The following FZD6 variants were observed in gnomAD, a reference collection of about 807,000 sequenced individuals.
FZD6 encodes the protein frizzled-6.
Under a neutral mutation model 61.4 loss-of-function variants are expected in FZD6, and 49 were observed. The ratio of observed to expected loss-of-function variants is 0.80; its 90% CI spans 0.63 to 1.01. The LOEUF (loss-of-function observed/expected upper bound fraction) is 1.01. FZD6 is among the 50% of genes least tolerant of loss of function. The pLI is 0.00. For missense variants in FZD6, 724 were observed against 848.2 expected (o/e 0.85, Z 1.82); for synonymous variants, 265 against 292.2 (o/e 0.91, Z 0.95).
chr8:103,304,704 CA>C (rs1814280800), intron 2 of FZD6, among the ~76,000 whole-genome samples: 1 of 152,158 alleles, frequency 6.6e-6, no homozygotes, highest in African/African-American at 2.4e-5. Context: ...ATATTTGGCC[CA>C]GGGGCTACAG....
chr8:103,303,411 C>A (rs181828747), intron 2 of FZD6, among the ~76,000 whole-genome samples: 158 of 152,272 alleles, frequency 1.0e-3, no homozygotes, highest in African/African-American at 3.7e-3. Flanking sequence ...ATTTAATCAC[C>A]CCACTCTACA....
intron 3 of FZD6, 98 bp from the exon 4 acceptor site, chr8:103,324,383 A>G: frequency 1.5e-6 from 1 of 682,848 alleles, no homozygotes; most frequent in Non-Finnish European, 2.5e-6. Context: ...TCAATCATGA[A>G]TACATAAGGT....
intron 6 of FZD6, among the ~76,000 whole-genome samples, chr8:103,330,520 C>T (rs1236117609): frequency 5.3e-5 from 8 of 152,144 alleles, no homozygotes. Flanking sequence ...CACAGGTAAG[C>T]CAGAATGCAG....
At chr8:103,313,531 CTTTA>C (rs1362422579) in intron 2 of FZD6, among the ~76,000 whole-genome samples, 2 of 152,122 alleles carry the variant, frequency 1.3e-5, no homozygotes, top group Non-Finnish European at 2.9e-5. Context: ...GAAACTATGC[CTTTA>C]TTTATTTAGT....
At chr8:103,319,662 G>A (rs760111215) in intron 3 of FZD6, among the ~76,000 whole-genome samples, 3 of 152,192 alleles carry the variant, frequency 2.0e-5, no homozygotes, top group Non-Finnish European at 4.4e-5. Context: ...ATGCATTCCT[G>A]TTGGCAAGAT....
intron 1 of FZD6, 121 bp from the exon 2 acceptor site, chr8:103,299,835 A>C (rs1370375116): frequency 4.8e-6 from 2 of 417,026 alleles, no homozygotes; most frequent in Non-Finnish European, 9.0e-6. Context: ...TCGTTAGGAC[A>C]GAATTTTCCG....
At chr8:103,299,510 A>G (rs768824656) in intron 1 of FZD6, among the ~76,000 whole-genome samples, 16 of 152,284 alleles carry the variant, frequency 1.1e-4, no homozygotes, top group Non-Finnish European at 2.4e-4. Flanking sequence ...TACCCAGAAG[A>G]CTGCCACAAA....
intron 2 of FZD6, among the ~76,000 whole-genome samples, chr8:103,310,105 G>A (rs993235796): frequency 6.6e-6 from 1 of 152,126 alleles, no homozygotes; most frequent in Non-Finnish European, 1.5e-5. Context: ...CTTGTCATGT[G>A]TCCCCACTAC....
chr8:103,332,299 CT>C lies in FZD6; in HGVS notation c.*794del, dbSNP rs1815163480. ...AAGGGTTAGTAGACAAAATGTTAGT[CT>C]TTTGTATATTAGGCCAAGTGCAATT... is the stretch of plus-strand genomic sequence containing the variant. On this transcript the variant is annotated 3_prime_UTR_variant, in exon 7 of 7. Coordinates refer to ENST00000358755, the MANE Select transcript of FZD6 (RefSeq NM_003506.4). 1 of 152,120 alleles carries C rather than the reference CT, an allele frequency of 6.6e-6. No homozygotes were observed. The highest frequency in any genetic ancestry group is 1.5e-5 in the Non-Finnish European group (1 of 67,984). The allele number at this position is 152,120 out of a possible 1,614,324, so 9.4% of individuals were successfully genotyped here. A position where few individuals can be genotyped will look rare whatever the true frequency, so the allele number is the denominator to read the frequency against.
intron 1 of FZD6, among the ~76,000 whole-genome samples, 194 bp downstream of exon 1, chr8:103,299,189 G>A (rs1814070407): frequency 6.6e-6 from 1 of 152,200 alleles, no homozygotes; most frequent in South Asian, 2.1e-4. Flanking sequence ...CGATGCCGGG[G>A]CCCCGCGGCG....
chr8:103,306,910 A>G (rs151066749), intron 2 of FZD6, among the ~76,000 whole-genome samples: 105 of 152,246 alleles, frequency 6.9e-4, no homozygotes, highest in African/African-American at 2.5e-3. Context: ...AGAGCAAGAA[A>G]TATAGCTTTT....
chr8:103,310,209 G>C (rs1200372568), intron 2 of FZD6, among the ~76,000 whole-genome samples: 2 of 152,152 alleles, frequency 1.3e-5, no homozygotes, highest in East Asian at 3.9e-4. Context: ...GCCACCTGCA[G>C]ATCAAACTGT....
At chr8:103,300,366 A>G (rs1586497918) in intron 2 of FZD6, 82 bp downstream of exon 2, 1 of 1,016,020 alleles carries the variant, frequency 9.8e-7, no homozygotes, top group East Asian at 2.4e-5. Context: ...TCTATTTTTA[A>G]ACAGAGCCGA....
intron 2 of FZD6, among the ~76,000 whole-genome samples, chr8:103,314,402 GC>G (rs1340432413): frequency 6.6e-6 from 1 of 152,066 alleles, no homozygotes; most frequent in African/African-American, 2.4e-5. Flanking sequence ...TTTACTAGTT[GC>G]CCGCAGCTCC....
intron 5 of FZD6, among the ~76,000 whole-genome samples, chr8:103,328,670 T>C (rs1358962553): frequency 2.0e-5 from 3 of 151,968 alleles, no homozygotes; most frequent in Admixed American, 6.6e-5. Context: ...GAAATATGAA[T>C]GAATGATTTA....
intron 5 of FZD6, among the ~76,000 whole-genome samples, chr8:103,329,256 G>A (rs1409388068): frequency 6.6e-6 from 1 of 151,082 alleles, no homozygotes; most frequent in Non-Finnish European, 1.5e-5. Context: ...AGAAAGAAAA[G>A]ACTTATATTT....
intron 6 of FZD6, among the ~76,000 whole-genome samples, 157 bp downstream of exon 6, chr8:103,330,222 G>A (rs1815083394): frequency 6.6e-6 from 1 of 152,156 alleles, no homozygotes; most frequent in South Asian, 2.1e-4. Flanking sequence ...ATGCTATTTA[G>A]TAGTTTAATT....
intron 2 of FZD6, among the ~76,000 whole-genome samples, chr8:103,307,210 C>G (rs970762266): frequency 4.6e-5 from 7 of 152,130 alleles, no homozygotes; most frequent in African/African-American, 1.7e-4. Context: ...CTTTTGACCC[C>G]TCTCAATTAA....
intron 1 of FZD6, among the ~76,000 whole-genome samples, chr8:103,299,222 T>TG (rs1367987854): frequency 4.6e-5 from 7 of 152,194 alleles, no homozygotes; most frequent in African/African-American, 1.7e-4. Context: ...GGAACGCTGC[T>TG]GTCTGGCTCT....
Sources: allele counts gnomAD v4.1 joint callset (sites outside exome capture counted in the v4.1 genomes callset), GRCh38; gene constraint gnomAD v4.1.1; transcripts MANE v1.5; gene names NCBI Gene and HGNC (gene_info 2026-07-23, HGNC 2026-07-21).